JAK1: variants seen among roughly 807,000 people sequenced by gnomAD.
The protein encoded by JAK1 is tyrosine-protein kinase JAK1.
In JAK1, 16 loss-of-function variants were observed where a neutral mutation model predicts 136.6. That is an observed-to-expected ratio of 0.12 (90% CI 0.08 to 0.18). The LOEUF is 0.18. Among genes scored for constraint, JAK1 ranks in the 10% least tolerant of loss-of-function variants. The probability of loss-of-function intolerance (pLI) is 1.00; values close to 1 mark genes in which losing one functional copy is unlikely to be tolerated. For synonymous variants in JAK1, 492 were observed against 519.5 expected, an observed-to-expected ratio of 0.95 and a Z score of 0.72; for missense variants, 859 against 1,450.1, an observed-to-expected ratio of 0.59 and a Z score of 6.62.
intron 1 of JAK1, among the ~76,000 whole-genome samples, chr1:64,894,321 G>A (rs1375865837): frequency 6.6e-6 from 1 of 152,156 alleles, no homozygotes; most frequent in Non-Finnish European, 1.5e-5. Flanking sequence ...ACCTCCTTCA[G>A]CTTCCACAGC....
chr1:64,850,089 G>T (rs1274340201), intron 12 of JAK1, among the ~76,000 whole-genome samples: 1 of 152,184 alleles, frequency 6.6e-6, no homozygotes, highest in Non-Finnish European at 1.5e-5. Flanking sequence ...ATCTCCCGAG[G>T]TGGTGAGTGG....
At chr1:64,945,754 A>G (rs1048763728) in intron 1 of JAK1, among the ~76,000 whole-genome samples, 5 of 150,460 alleles carry the variant, frequency 3.3e-5, no homozygotes, top group African/African-American at 1.2e-4. Context: ...TTTGACACAG[A>G]GTCTTGCTCT....
At chr1:64,902,583 A>AGAGT in intron 1 of JAK1, among the ~76,000 whole-genome samples, 14 of 73,788 alleles carry the variant, frequency 1.9e-4, no homozygotes, top group African/African-American at 3.7e-4. Context: ...AGAGAGAGAG[A>AGAGT]GTGTGTGTGT....
At chr1:64,986,877 C>T (rs1354073980) in intron 2 of JAK1, among the ~76,000 whole-genome samples, 1 of 151,962 alleles carries the variant, frequency 6.6e-6, no homozygotes, top group Non-Finnish European at 1.5e-5. Flanking sequence ...GCCCAACAGC[C>T]ACCCCCCACC....
At position 64,984,087 on chromosome 1, in the gene JAK1, A is replaced by C. The variant is rs1219243696; in HGVS notation, c.-78+60393T>G. On this transcript the variant is annotated intron_variant, in intron 2 of 25. Transcript: ENST00000671954. This position sits in a 1 kb window ranked among gnomAD's most constrained non-coding sequence, Gnocchi z 4.1. ...TTAACCTCAGTTTCCTTATGTTTTC[A>C]TTATTTGGCAAAATTACACTTAAAA... Among the ~76,000 whole-genome samples the C allele has an allele frequency of 2.6e-5, 4 of 152,080 alleles. No individual in the cohort carries two copies. In the East Asian group the frequency reaches 7.7e-4, roughly 29 times the overall value.
chr1:65,044,520 T>G (rs747153531), exon 2 of JAK1, among the ~76,000 whole-genome samples: 4 of 152,208 alleles, frequency 2.6e-5, no homozygotes, highest in African/African-American at 9.7e-5. Flanking sequence ...CTTGGTGCTG[T>G]AGAGAGTCAA....
At chr1:65,063,176 G>GA (rs1408049897) in intron 1 of JAK1, among the ~76,000 whole-genome samples, 2 of 152,170 alleles carry the variant, frequency 1.3e-5, no homozygotes, top group Non-Finnish European at 2.9e-5. Context: ...ATGAAGCAAA[G>GA]AAAAAATAAA....
At chr1:64,945,586 T>C (rs1264384045) in intron 1 of JAK1, among the ~76,000 whole-genome samples, 1 of 151,674 alleles carries the variant, frequency 6.6e-6, no homozygotes, top group East Asian at 1.9e-4. Context: ...TTATGTACAA[T>C]AAAAAAAAGA....
At chr1:64,884,995 G>GCAGTCA (rs1210202322) in intron 2 of JAK1, among the ~76,000 whole-genome samples, 1 of 152,182 alleles carries the variant, frequency 6.6e-6, no homozygotes, top group Admixed American at 6.5e-5. Context: ...AGGGCAGACA[G>GCAGTCA]CAGTCACAGT....
chr1:64,906,369 A>G (rs12063205), intron 1 of JAK1, among the ~76,000 whole-genome samples: 23,556 of 151,566 alleles, frequency 0.16, 2,028 homozygotes, highest in East Asian at 0.28. Context: ...CATCCAAACC[A>G]TCATCTATAT....
chr1:65,019,463 CA>C (rs1297139828), intron 2 of JAK1, among the ~76,000 whole-genome samples: 3 of 143,162 alleles, frequency 2.1e-5, no homozygotes, highest in Admixed American at 6.9e-5. Context: ...ACCCCCCCCC[CA>C]ATATATTTAG....
chr1:64,856,397 C>G (rs1007533556), intron 10 of JAK1, among the ~76,000 whole-genome samples: 2 of 152,140 alleles, frequency 1.3e-5, no homozygotes, highest in Non-Finnish European at 2.9e-5. Flanking sequence ...GATAATATCA[C>G]CTACCTAATA....
intron 11 of JAK1, among the ~76,000 whole-genome samples, chr1:64,852,513 C>G (rs563846661): frequency 6.6e-6 from 1 of 152,182 alleles, no homozygotes; most frequent in African/African-American, 2.4e-5. Flanking sequence ...TCAGAGGCAA[C>G]TCAGGCTCAA....
chr1:64,973,306 A>G (rs895720853), intron 2 of JAK1, among the ~76,000 whole-genome samples: 27 of 143,544 alleles, frequency 1.9e-4, no homozygotes, highest in African/African-American at 6.9e-4. Context: ...AAAGAAAGAG[A>G]GAGAAAGGAA....
At chr1:64,957,943 CA>C (rs11337629) in intron 1 of JAK1, among the ~76,000 whole-genome samples, 142,876 of 147,042 alleles carry the variant, frequency 0.97, 69,444 homozygotes, top group East Asian at 1. Context: ...GACTCCGTCT[CA>C]AAAAAAAAAA....
At chr1:64,965,241 C>T (rs1401183473) in intron 1 of JAK1, among the ~76,000 whole-genome samples, 2 of 152,142 alleles carry the variant, frequency 1.3e-5, no homozygotes, top group Non-Finnish European at 2.9e-5. Context: ...ACTGTAAATT[C>T]CTGCCAGTGA....
rs1196700424 is a variant in JAK1 at position 65,032,932 on chromosome 1, T to C, written c.-78+11548A>G. 2.6e-5 allele frequency among the ~76,000 whole-genome samples: 4 copies of C among 152,242 alleles called. 1 individual carries two copies. The highest frequency in any genetic ancestry group is 5.9e-5 in the Non-Finnish European group (4 of 68,042). The stretch of plus-strand genomic sequence containing the variant: ...ACCTTTATTGTTGGGTATGTCAGTG[T>C]ACCTGGCTATAAAATATTTTCCAGC... On this transcript the variant is annotated intron_variant, in intron 2 of 25. Coordinates refer to the JAK1 transcript ENST00000671954.
rs1654246728 is a variant in JAK1, at chr1:64,833,357, C to T, written c.*1205G>A. On this transcript the variant is annotated 3_prime_UTR_variant, in exon 25 of 25. Coordinates refer to ENST00000342505, the MANE Select transcript of JAK1 (RefSeq NM_002227.4). ...TTAAATGGCAACTTCATTGCTGCCA[C>T]TGAACCAATCCTGAATTTGGGCTCA... 1 of 232,920 alleles carries T rather than the reference C, an allele frequency of 4.3e-6. No homozygotes were observed. The highest frequency in any genetic ancestry group is 8.5e-6 in the Non-Finnish European group (1 of 117,546). 14.4% of individuals were successfully genotyped at this position (232,920 alleles called of 1,614,324 possible). A position where few individuals can be genotyped will look rare whatever the true frequency, so the allele number is the denominator to read the frequency against.
chr1:65,007,955 G>C (rs1646817574), intron 2 of JAK1, among the ~76,000 whole-genome samples: 1 of 152,100 alleles, frequency 6.6e-6, no homozygotes, highest in South Asian at 2.1e-4. Context: ...ATGTTGTACA[G>C]GCTGGTCTCG....
Sources: gnomAD v4.1 joint callset for allele counts (sites outside exome capture counted in the v4.1 genomes callset) on GRCh38, gnomAD v4.1.1 for gene constraint, Gnocchi (gnomAD v3.1) non-coding constraint, MANE v1.5 for transcripts, NCBI Gene and HGNC (gene_info 2026-07-23, HGNC 2026-07-21) for gene names.